FAAH2: variants seen among roughly 807,000 people sequenced by gnomAD.
FAAH2 encodes fatty-acid amide hydrolase 2.
In FAAH2, 60 loss-of-function variants were observed where a neutral mutation model predicts 36.9. That is an observed-to-expected ratio of 1.63 (90% CI 1.32 to 2.02). The LOEUF (loss-of-function observed/expected upper bound fraction) is 2.02. Ranked by LOEUF, FAAH2 falls within the 30% of genes most tolerant of loss-of-function variation. FAAH2 has a pLI of 0.00. For missense variants in FAAH2, 689 were observed against 397.5 expected, an observed-to-expected ratio of 1.73 and a Z score of -6.23; for synonymous variants, 214 against 143.8, an observed-to-expected ratio of 1.49 and a Z score of -3.49.
chrX:57,423,658 G>A (rs1370826655), intron 7 of FAAH2, among the ~76,000 whole-genome samples: 1 of 110,957 alleles, frequency 9.0e-6, no homozygotes, highest in African/African-American at 3.3e-5. Context: ...CCTTCCTGGA[G>A]CATTGCCCCA....
intron 7 of FAAH2, among the ~76,000 whole-genome samples, chrX:57,429,815 G>C (rs2056252031): frequency 9.0e-6 from 1 of 111,026 alleles, no homozygotes. Context: ...AAGAAAATGT[G>C]GTGTATATAT....
chrX:57,242,044 G>A, the FAAH2 span, among the ~76,000 whole-genome samples: 1 of 112,715 alleles, frequency 8.9e-6, no homozygotes, highest in African/African-American at 3.2e-5. Flanking sequence ...CTGCCAGACG[G>A]CTCTGCAGAG....
chrX:57,360,663 A>G (rs1238213240), intron 5 of FAAH2, among the ~76,000 whole-genome samples: 1 of 110,330 alleles, frequency 9.1e-6, no homozygotes, highest in Non-Finnish European at 1.9e-5. Context: ...CTTGTTTTTA[A>G]ATTTTCTTAA....
chrX:57,399,657 C>T (rs1220938306), intron 7 of FAAH2, among the ~76,000 whole-genome samples: 1 of 111,936 alleles, frequency 8.9e-6, no homozygotes, highest in East Asian at 2.8e-4. Flanking sequence ...AAGATTGCCA[C>T]CTCTTTAGAT....
chrX:57,378,683 G>T lies in FAAH2; in HGVS notation c.775G>T (p.Ala259Ser), dbSNP rs1020309714. 4 of 1,209,187 alleles carry T rather than the reference G, an allele frequency of 3.3e-6. No homozygotes were observed. Among genetic ancestry groups the T allele is most frequent in the Non-Finnish European group, 3.4e-6 (3 of 894,925 alleles). ...TCCCAACAAAGGTCAGTTTCCCTTGGCTGTGGGAGCCCAGGAGTTGTTTCT... is the reference window on the plus strand; with the variant it reads ...TCCCAACAAAGGTCAGTTTCCCTTGTCTGTGGGAGCCCAGGAGTTGTTTCT... The part of the protein sequence containing the change: ...VVPNKGQFPL[A>S]VGAQELFLCT... The change falls in exon 6 of 11, where the codon GCT (alanine) becomes TCT (serine). Residue 259 changes from alanine (A) to serine (S), a missense_variant. Coordinates refer to ENST00000374900, the MANE Select transcript of FAAH2 (RefSeq NM_174912.4).
At chrX:57,386,426 TG>T (rs201949692) in intron 7 of FAAH2, among the ~76,000 whole-genome samples, 6,396 of 111,596 alleles carry the variant, frequency 0.057, 172 homozygotes, top group South Asian at 0.096. Flanking sequence ...AGAATGCTAG[TG>T]GCAAAGCAAA....
At chrX:57,435,671 A>C (rs779919052) in intron 8 of FAAH2, among the ~76,000 whole-genome samples, 99 of 111,235 alleles carry the variant, frequency 8.9e-4, no homozygotes, top group African/African-American at 3.2e-3. Context: ...TATACACTCA[A>C]TACTGGAGCA....
intron 7 of FAAH2, among the ~76,000 whole-genome samples, chrX:57,413,140 G>A (rs946904983): frequency 1.8e-5 from 2 of 111,643 alleles, no homozygotes; most frequent in African/African-American, 6.5e-5. Flanking sequence ...GTCAGATGGA[G>A]AGATTGCAAA....
the FAAH2 span, among the ~76,000 whole-genome samples, chrX:57,227,974 G>A: frequency 9.0e-6 from 1 of 111,643 alleles, no homozygotes; most frequent in Non-Finnish European, 1.9e-5. Flanking sequence ...AAACCGAAGG[G>A]CTGGTCTCAC....
intron 3 of FAAH2, among the ~76,000 whole-genome samples, chrX:57,326,395 G>A (rs1311261856): frequency 8.7e-6 from 1 of 114,488 alleles, no homozygotes; most frequent in East Asian, 2.7e-4. Context: ...GGATATCCTT[G>A]TTAACTTTCT....
intron 10 of FAAH2, among the ~76,000 whole-genome samples, chrX:57,472,203 ACACCAAAAGCAATGG>A (rs2057181671): frequency 8.9e-6 from 1 of 112,259 alleles, no homozygotes; most frequent in African/African-American, 3.2e-5. Flanking sequence ...CATGTCTAAA[ACACCAAAAGCAATGG>A]CAACAAAAGC....
At chrX:57,309,360 G>C (rs1282735066) in intron 2 of FAAH2, among the ~76,000 whole-genome samples, 1 of 112,055 alleles carries the variant, frequency 8.9e-6, no homozygotes, top group Non-Finnish European at 1.9e-5. Context: ...GGTTATACTA[G>C]GAATATACTG....
chrX:57,437,481 CT>C (rs763573735), intron 8 of FAAH2, among the ~76,000 whole-genome samples: 12 of 109,366 alleles, frequency 1.1e-4, no homozygotes, highest in African/African-American at 4.0e-4. Context: ...CTTGAAAAAC[CT>C]AAAGACTCCA....
chrX:57,358,826 G>A (rs1351032215), intron 5 of FAAH2, among the ~76,000 whole-genome samples: 5 of 111,113 alleles, frequency 4.5e-5, no homozygotes, highest in Non-Finnish European at 9.5e-5. Context: ...GAACCTTTTT[G>A]CATTCCCAGC....
the FAAH2 span, among the ~76,000 whole-genome samples, chrX:57,258,622 T>C: frequency 9.0e-6 from 1 of 110,580 alleles, no homozygotes. Context: ...TCTGATTTTT[T>C]AAAAATGACC....
chrX:57,315,606 T>C (rs2052814734), intron 3 of FAAH2, among the ~76,000 whole-genome samples: 1 of 111,982 alleles, frequency 8.9e-6, no homozygotes, highest in African/African-American at 3.2e-5. Flanking sequence ...TGGATCAACA[T>C]ATGCAAATCA....
chrX:57,470,626 G>C (rs1312667392), intron 10 of FAAH2, among the ~76,000 whole-genome samples: 1 of 110,878 alleles, frequency 9.0e-6, no homozygotes, highest in Non-Finnish European at 1.9e-5. Context: ...ACCAAAAGAA[G>C]TCCAGGAGCA....
At chrX:57,261,602 T>G in the FAAH2 span, among the ~76,000 whole-genome samples, 1 of 107,888 alleles carries the variant, frequency 9.3e-6, no homozygotes, top group Admixed American at 9.9e-5. Context: ...AATCTATATT[T>G]ATACAGAATT....
At chrX:57,198,200 C>A in the FAAH2 span, among the ~76,000 whole-genome samples, 1 of 111,370 alleles carries the variant, frequency 9.0e-6, no homozygotes, top group East Asian at 2.8e-4. Flanking sequence ...CATGTGGGGG[C>A]ATGGTTAGGC....
Sources: gnomAD v4.1 joint callset for allele counts (sites outside exome capture counted in the v4.1 genomes callset) on GRCh38, gnomAD v4.1.1 for gene constraint, MANE v1.5 for transcripts, NCBI Gene and HGNC (gene_info 2026-07-23, HGNC 2026-07-21) for gene names.